The following ATP6V0E1 variants were observed in gnomAD, a reference collection of about 807,000 sequenced individuals.
ATP6V0E1 encodes V-type proton ATPase subunit e 1.
ATP6V0E1 carries 4 observed loss-of-function variants against 11.6 expected under a neutral mutation model. That is an observed-to-expected ratio of 0.35 (90% CI 0.17 to 0.79). The LOEUF (loss-of-function observed/expected upper bound fraction) is 0.79, where lower values mean the gene tolerates loss of function less well. Ranked by LOEUF, ATP6V0E1 falls within the 30% of genes least tolerant of loss-of-function variation. ATP6V0E1 has a pLI of 0.54. For synonymous variants in ATP6V0E1, 36 were observed against 34.8 expected, an observed-to-expected ratio of 1.04 and a Z score of -0.13; for missense variants, 105 against 100.0, an observed-to-expected ratio of 1.05 and a Z score of -0.21.
intron 1 of ATP6V0E1, among the ~76,000 whole-genome samples, chr5:172,992,008 GTCTGTCTT>G (rs1470834009): frequency 6.8e-6 from 1 of 147,986 alleles, no homozygotes; most frequent in African/African-American, 2.6e-5. Flanking sequence ...TCTTCTTTCT[GTCTGTCTT>G]TCTGTCTTTC....
At chr5:173,013,071 G>A (rs749871079) in intron 2 of ATP6V0E1, among the ~76,000 whole-genome samples, 6 of 152,154 alleles carry the variant, frequency 3.9e-5, no homozygotes, top group South Asian at 2.1e-4. Context: ...CTACTCAGGC[G>A]GCTGAGGTAG....
chr5:172,988,014 C>G (rs888975352), intron 1 of ATP6V0E1, among the ~76,000 whole-genome samples: 2 of 152,192 alleles, frequency 1.3e-5, no homozygotes, highest in Non-Finnish European at 2.9e-5. Flanking sequence ...CGGACCTAAT[C>G]TATTTTCTTT....
chr5:173,013,443 T>C (rs1328035932), intron 2 of ATP6V0E1, among the ~76,000 whole-genome samples: 1 of 151,902 alleles, frequency 6.6e-6, no homozygotes, highest in Admixed American at 6.6e-5. Flanking sequence ...GGCGTAGTGG[T>C]GGGCGCCTGT....
intron 2 of ATP6V0E1, among the ~76,000 whole-genome samples, chr5:173,019,220 T>C (rs1756444966): frequency 6.6e-6 from 1 of 152,122 alleles, no homozygotes; most frequent in Non-Finnish European, 1.5e-5. Context: ...AAGTGCGGGA[T>C]TATAGGCATG....
chr5:172,996,302 G>A (rs879384786), intron 2 of ATP6V0E1, among the ~76,000 whole-genome samples: 10 of 152,162 alleles, frequency 6.6e-5, no homozygotes, highest in Non-Finnish European at 1.5e-4. Flanking sequence ...GCTCATGCCT[G>A]TAATCCCAGC....
At chr5:172,991,977 A>G (rs1205843947) in intron 1 of ATP6V0E1, among the ~76,000 whole-genome samples, 1 of 147,116 alleles carries the variant, frequency 6.8e-6, no homozygotes, top group African/African-American at 2.6e-5. Flanking sequence ...TTCTTCCTTT[A>G]TTTTTCTTTC....
chr5:172,987,007 C>G (rs543732773), intron 1 of ATP6V0E1: 1 of 214,942 alleles, frequency 4.7e-6, no homozygotes, highest in Non-Finnish European at 9.5e-6. Context: ...AGGATGGTCT[C>G]GATCTCTTGA....
chr5:172,988,520 T>A (rs774384303), intron 1 of ATP6V0E1, among the ~76,000 whole-genome samples: 3 of 152,238 alleles, frequency 2.0e-5, no homozygotes, highest in Non-Finnish European at 4.4e-5. Context: ...TAATTAACTT[T>A]TCCATGTTCC....
At chr5:173,006,534 C>T (rs938450861) in intron 2 of ATP6V0E1, among the ~76,000 whole-genome samples, 5 of 152,050 alleles carry the variant, frequency 3.3e-5, no homozygotes, top group Admixed American at 1.3e-4. Flanking sequence ...GGCGTGAACC[C>T]GGGAGGCGGA....
At chr5:172,986,400 C>A (rs1344680948) in intron 1 of ATP6V0E1, among the ~76,000 whole-genome samples, 1 of 152,128 alleles carries the variant, frequency 6.6e-6, no homozygotes, top group Non-Finnish European at 1.5e-5. Flanking sequence ...CTTTGGGAAG[C>A]CGGACAAGAG....
At chr5:173,008,233 G>A (rs1012274241) in intron 2 of ATP6V0E1, among the ~76,000 whole-genome samples, 3 of 151,770 alleles carry the variant, frequency 2.0e-5, no homozygotes, top group Non-Finnish European at 2.9e-5. Flanking sequence ...CAATAAATTC[G>A]TGACTGAAAC....
chr5:172,984,753 C>T (rs1360981367), intron 1 of ATP6V0E1, among the ~76,000 whole-genome samples: 3 of 152,178 alleles, frequency 2.0e-5, no homozygotes, highest in Non-Finnish European at 4.4e-5. Context: ...TCTTTTGCTT[C>T]TCAGTCATTT....
In ATP6V0E1 at chr5:173,011,355, A is replaced by AT. The variant is rs574746144; in HGVS notation, c.153-8874dup. ...ATCAAGCCTGGCTAATTGAAAAAAAATTTTTTTTTATAGAGACGGGGTCTC... is the reference window on the plus strand; with the variant it reads ...ATCAAGCCTGGCTAATTGAAAAAAAATTTTTTTTTTATAGAGACGGGGTCTC... On this transcript the variant is annotated intron_variant, in intron 2 of 3. Coordinates refer to ENST00000519374, the MANE Select transcript of ATP6V0E1 (RefSeq NM_003945.4). Among the ~76,000 whole-genome samples the AT allele has an allele frequency of 2.1e-4, 32 of 151,166 alleles. No individual in the cohort carries two copies. In the South Asian group the frequency reaches 4.6e-3, roughly 22 times the overall value.
chr5:173,021,155 A>G (rs1168440794), intron 3 of ATP6V0E1, among the ~76,000 whole-genome samples: 1 of 152,052 alleles, frequency 6.6e-6, no homozygotes, highest in Non-Finnish European at 1.5e-5. Context: ...TCATATGGCC[A>G]GAGAGGGAGC....
In ATP6V0E1 at chr5:172,998,651, T is replaced by G. The variant is rs138796844; in HGVS notation, c.152+3829T>G. ...AAAAGAGTAAATGAGGGCAAATACATGTATCATCAAGAACTGATTTTAGTA... is the reference window on the plus strand; with the variant it reads ...AAAAGAGTAAATGAGGGCAAATACAGGTATCATCAAGAACTGATTTTAGTA... On this transcript the variant is annotated intron_variant, in intron 2 of 3. Transcript: ENST00000519374. Among the ~76,000 whole-genome samples, 141 of 149,796 alleles carry G rather than the reference T, an allele frequency of 9.4e-4. 1 individual carries two copies. Among genetic ancestry groups the G allele is most frequent in the African/African-American group, 3.4e-3 (138 of 40,810 alleles).
chr5:172,986,625 C>T lies in ATP6V0E1; in HGVS notation c.104+2661C>T, dbSNP rs532149975. 1.6e-3 allele frequency: 664 copies of T among 413,268 alleles called. 9 individuals carry two copies. The highest frequency in any genetic ancestry group is 0.012 in the African/African-American group (590 of 48,190). 25.6% of individuals were successfully genotyped at this position (413,268 alleles called of 1,614,324 possible). The stretch of plus-strand genomic sequence containing the variant: ...CCTGGGCAACAGTGAGACCCTGTCT[C>T]TTCAAAAATGAAACAAGTCCAGTGT... On this transcript the variant is annotated intron_variant, in intron 1 of 3. Coordinates refer to ENST00000519374, the MANE Select transcript of ATP6V0E1 (RefSeq NM_003945.4).
chr5:173,001,218 A>G (rs1296122069), intron 2 of ATP6V0E1, among the ~76,000 whole-genome samples: 1 of 152,128 alleles, frequency 6.6e-6, no homozygotes, highest in African/African-American at 2.4e-5. Flanking sequence ...CAGTGAATAA[A>G]CAAAGTAGAC....
intron 2 of ATP6V0E1, among the ~76,000 whole-genome samples, chr5:173,015,115 C>T (rs1190759151): frequency 6.6e-6 from 1 of 152,122 alleles, no homozygotes; most frequent in Non-Finnish European, 1.5e-5. Flanking sequence ...CTGAAATGTT[C>T]TCAGTTAAAA....
chr5:172,992,036 C>CTT (rs1399167944), intron 1 of ATP6V0E1, among the ~76,000 whole-genome samples: 5 of 151,340 alleles, frequency 3.3e-5, no homozygotes, highest in African/African-American at 9.7e-5. Flanking sequence ...CTTTCTCTCT[C>CTT]TCTCTTTTCT....
Sources: allele counts gnomAD v4.1 joint callset (sites outside exome capture counted in the v4.1 genomes callset), GRCh38; gene constraint gnomAD v4.1.1; transcripts MANE v1.5; gene names NCBI Gene and HGNC (gene_info 2026-07-23, HGNC 2026-07-21).